WDFY3: variants seen among roughly 807,000 people sequenced by gnomAD.
The protein encoded by WDFY3 is WD repeat and FYVE domain containing 3.
A neutral mutation model predicts 409.6 loss-of-function variants in WDFY3; 66 were observed. The observed-to-expected ratio is 0.16, with a 90% confidence interval of 0.13 to 0.20. The LOEUF (loss-of-function observed/expected upper bound fraction) is 0.20. WDFY3 is among the 10% of genes least tolerant of loss of function. WDFY3 has a pLI of 1.00. For missense variants in WDFY3, 3,031 were observed against 4,298.1 expected (o/e 0.71, Z 8.24); for synonymous variants, 1,521 against 1,537.1 (o/e 0.99, Z 0.25).
At chr4:84,743,021 C>T (rs1223443752) in intron 37 of WDFY3, among the ~76,000 whole-genome samples, 2 of 152,106 alleles carry the variant, frequency 1.3e-5, no homozygotes, top group Admixed American at 1.3e-4. Flanking sequence ...TGAGAGTGCA[C>T]AGTTGCATGT....
At chr4:84,862,448 G>A (rs1578865440) in intron 3 of WDFY3, among the ~76,000 whole-genome samples, 1 of 152,096 alleles carries the variant, frequency 6.6e-6, no homozygotes, top group African/African-American at 2.4e-5. Context: ...TGAAAAATAT[G>A]TTTTCCAAAT....
intron 13 of WDFY3, among the ~76,000 whole-genome samples, chr4:84,814,703 A>G (rs1217409110): frequency 1.3e-5 from 2 of 152,150 alleles, no homozygotes; most frequent in Non-Finnish European, 2.9e-5. Flanking sequence ...GTCCCAAAGC[A>G]CAAGAGTAGT....
chr4:84,914,143 C>T (rs1374194768), intron 2 of WDFY3, among the ~76,000 whole-genome samples: 2 of 152,004 alleles, frequency 1.3e-5, no homozygotes, highest in African/African-American at 2.4e-5. Context: ...TTATTAGGGC[C>T]GGGTGTGGTG....
chr4:84,730,718 A>G (rs1209375164), intron 44 of WDFY3, among the ~76,000 whole-genome samples: 1 of 152,084 alleles, frequency 6.6e-6, no homozygotes, highest in East Asian at 1.9e-4. Flanking sequence ...CCTAGGCCAT[A>G]TTGGAAGAAA....
rs1262272943 is a variant in WDFY3, at chr4:84,774,709, T to C, written c.4754+111A>G. The C allele has an allele frequency of 5.6e-6, 6 of 1,076,382 alleles. No individual in the cohort carries two copies. The African/African-American group carries it at 6.4e-5, about 11-fold the overall frequency. 66.7% of individuals were successfully genotyped at this position (1,076,382 alleles called of 1,614,324 possible). A position where few individuals can be genotyped will look rare whatever the true frequency, so the allele number is the denominator to read the frequency against. On this transcript the variant is annotated intron_variant, in intron 29 of 67. Transcript: ENST00000295888. ...ATAAATATTTTGAATCGTATTAACA[T>C]TACAGGTGTTATTACACAGTCATAA...
chr4:84,797,948 T>G, intron 18 of WDFY3, 48 bp downstream of exon 18: 3 of 1,469,640 alleles, frequency 2.0e-6, no homozygotes, highest in Non-Finnish European at 2.8e-6. Flanking sequence ...ATCCCCTACA[T>G]GATTTTCATT....
At chr4:84,804,297 T>A (rs185815921) in intron 15 of WDFY3, 29 of 152,294 alleles carry the variant, frequency 1.9e-4, no homozygotes, top group African/African-American at 7.0e-4. Flanking sequence ...TTCCAATGAG[T>A]TGGTCTCAGC....
intron 1 of WDFY3, among the ~76,000 whole-genome samples, chr4:84,943,901 G>A (rs983213340): frequency 1.3e-5 from 2 of 152,180 alleles, no homozygotes; most frequent in Admixed American, 1.3e-4. Context: ...AATTAGCAAG[G>A]AAGAGTAACT....
chr4:84,701,866 TAAAC>T (rs1356194731), intron 56 of WDFY3, among the ~76,000 whole-genome samples: 1 of 152,192 alleles, frequency 6.6e-6, no homozygotes, highest in African/African-American at 2.4e-5. Flanking sequence ...TATTAGGCAA[TAAAC>T]AAGATTAAAA....
At chr4:84,935,738 T>C (rs1303273133) in intron 1 of WDFY3, among the ~76,000 whole-genome samples, 1 of 152,168 alleles carries the variant, frequency 6.6e-6, no homozygotes. Context: ...CATTTTTTAA[T>C]ATAAATGTAA....
At chr4:84,946,698 C>A (rs1036537958) in intron 1 of WDFY3, among the ~76,000 whole-genome samples, 2 of 152,186 alleles carry the variant, frequency 1.3e-5, no homozygotes, top group Non-Finnish European at 2.9e-5. Context: ...TTGGGAATGA[C>A]CCCCAGCACC....
intron 3 of WDFY3, among the ~76,000 whole-genome samples, chr4:84,895,614 A>C (rs940767176): frequency 1.3e-5 from 2 of 152,214 alleles, no homozygotes; most frequent in Non-Finnish European, 2.9e-5. Flanking sequence ...GACTAACAAT[A>C]AACTGTTAAG....
At chr4:84,859,625 G>C (rs1310032200) in intron 4 of WDFY3, among the ~76,000 whole-genome samples, 1 of 152,130 alleles carries the variant, frequency 6.6e-6, no homozygotes, top group Non-Finnish European at 1.5e-5. Context: ...GCCCAGGCTG[G>C]AGTGCAATGG....
chr4:84,837,081 C>A lies in WDFY3; in HGVS notation c.424G>T (p.Asp142Tyr). The A allele has an allele frequency of 6.6e-7, 1 of 1,514,990 alleles. No homozygotes were observed. Among genetic ancestry groups the A allele is most frequent in the South Asian group, 1.4e-5 (1 of 71,970 alleles). 93.8% of individuals were successfully genotyped at this position (1,514,990 alleles called of 1,614,324 possible). A position where few individuals can be genotyped will look rare whatever the true frequency, so the allele number is the denominator to read the frequency against. Reference protein sequence around the residue: ...LLASSGQKTVDCMTTMSVPST... With the variant: ...LLASSGQKTVYCMTTMSVPST... Reference sequence around the variant, plus strand: ...GGCACTGACATTGTTGTCATGCAGTCCACGGTTTTCTGGAAAACAAGCCAA... The same window carrying A: ...GGCACTGACATTGTTGTCATGCAGTACACGGTTTTCTGGAAAACAAGCCAA... The change falls in exon 7 of 68, where the codon GAC becomes TAC. Residue 142 changes from aspartate to tyrosine, a missense_variant. This residue lies in a region of WDFY3 where 1,322 missense variants were observed against 1,697.9 expected (regional missense o/e 0.78). Coordinates refer to ENST00000295888, the MANE Select transcript of WDFY3 (RefSeq NM_014991.6).
At chr4:84,852,659 T>C (rs943055811) in intron 4 of WDFY3, among the ~76,000 whole-genome samples, 6 of 152,232 alleles carry the variant, frequency 3.9e-5, no homozygotes, top group African/African-American at 1.4e-4. Flanking sequence ...TTTTCAATAC[T>C]TCCTCAACAC....
intron 10 of WDFY3, among the ~76,000 whole-genome samples, chr4:84,825,392 G>A (rs1013177713): frequency 5.3e-5 from 8 of 150,702 alleles, no homozygotes; most frequent in African/African-American, 1.7e-4. Context: ...AGAGAAAGGG[G>A]GTCTTGCTCT....
chr4:84,778,910 A>G (rs1462460974), intron 26 of WDFY3, among the ~76,000 whole-genome samples: 1 of 152,204 alleles, frequency 6.6e-6, no homozygotes, highest in African/African-American at 2.4e-5. Context: ...TTTTACATTT[A>G]CCCTTTCAAT....
chr4:84,959,963 T>G (rs1774712679), intron 1 of WDFY3, among the ~76,000 whole-genome samples: 1 of 152,186 alleles, frequency 6.6e-6, no homozygotes, highest in Admixed American at 6.5e-5. Context: ...GATCTGGGGA[T>G]GAGTTCAAAG....
rs193920805 is a variant in WDFY3 at position 84,801,842 on chromosome 4, G to T, written c.2630C>A (p.Ala877Asp). ...QPEHALDLQL[A>D]VANILQSLVH... ...CAGGGATTGTAAAATATTTGCCACG[G>T]CAAGTTGAAGATCCAAAGCATGCTA... The change falls in exon 17 of 68, where the codon GCC becomes GAC. Residue 877 changes from alanine (A) to aspartate (D), a missense_variant. Around this residue, in one of 16 missense-constraint regions of WDFY3, gnomAD observed 1,322 missense variants for 1,697.9 expected, o/e 0.78. Coordinates refer to ENST00000295888, the MANE Select transcript of WDFY3 (RefSeq NM_014991.6). The T allele has an allele frequency of 2.5e-6, 4 of 1,614,024 alleles. No individual in the cohort carries two copies. The highest frequency in any genetic ancestry group is 1.1e-5 in the South Asian group (1 of 91,070).
Sources: allele counts gnomAD v4.1 joint callset (sites outside exome capture counted in the v4.1 genomes callset), GRCh38; gene constraint gnomAD v4.1.1; regional missense constraint gnomAD v4.1.1; transcripts MANE v1.5; gene names NCBI Gene and HGNC (gene_info 2026-07-23, HGNC 2026-07-21).